The following NETO1 variants were observed in gnomAD, a reference collection of about 807,000 sequenced individuals.
NETO1 encodes neuropilin and tolloid-like protein 1.
Under a neutral mutation model 61.3 loss-of-function variants are expected in NETO1, and 26 were observed. That is an observed-to-expected ratio of 0.42 (90% CI 0.31 to 0.59). The LOEUF (loss-of-function observed/expected upper bound fraction) is 0.59. NETO1 is among the 20% of genes least tolerant of loss of function. The probability of loss-of-function intolerance (pLI) is 0.12; values close to 1 mark genes in which losing one functional copy is unlikely to be tolerated. For synonymous variants in NETO1, 225 were observed against 225.8 expected, an observed-to-expected ratio of 1.00 and a Z score of 0.03; for missense variants, 531 against 662.8, an observed-to-expected ratio of 0.80 and a Z score of 2.18.
intron 3 of NETO1, among the ~76,000 whole-genome samples, chr18:72,863,437 ACATAGTCCC>A (rs778324004): frequency 7.2e-5 from 11 of 152,214 alleles, no homozygotes; most frequent in Admixed American, 3.9e-4. Flanking sequence ...ACAAAAAGGG[ACATAGTCCC>A]CAGAGAATAT....
At position 72,766,318 on chromosome 18, in the gene NETO1, T is replaced by C. The variant is rs181673668; in HGVS notation, c.869-10171A>G. Among the ~76,000 whole-genome samples the C allele has an allele frequency of 3.0e-4, 45 of 151,590 alleles. No individual in the cohort carries two copies. In the East Asian group the frequency reaches 8.3e-3, roughly 28 times the overall value. ...CACAAACAAAAATATAAAAAATATA[T>C]AAAATATATTTGGCCATCAGAACTT... On this transcript the variant is annotated intron_variant, in intron 7 of 10. Coordinates refer to ENST00000327305, the MANE Select transcript of NETO1 (RefSeq NM_138966.5).
intron 4 of NETO1, among the ~76,000 whole-genome samples, chr18:72,813,262 T>A (rs542347799): frequency 1.6e-4 from 24 of 152,324 alleles, no homozygotes; most frequent in African/African-American, 5.5e-4. Context: ...TATCCAAATA[T>A]CTTAAACCAT....
chr18:72,864,906 C>T lies in NETO1; in HGVS notation c.122G>A (p.Cys41Tyr). ...CTCTGCATGTTTTGTCCAAGTTCCA[C>T]ACTGCACTGACTTCTGTGTTTCTGA... ...TTSETQKSVQ[C>Y]GTWTKHAEGG... The change falls in exon 3 of 11, where the codon TGT becomes TAT. Residue 41 changes from cysteine to tyrosine, a missense_variant. Transcript: ENST00000327305. 6.2e-7 allele frequency: 1 copy of T among 1,612,922 alleles called. No individual in the cohort carries two copies. The highest frequency in any genetic ancestry group is 8.5e-7 in the Non-Finnish European group (1 of 1,179,826).
At chr18:72,807,345 G>C (rs1338655684) in intron 4 of NETO1, among the ~76,000 whole-genome samples, 1 of 152,092 alleles carries the variant, frequency 6.6e-6, no homozygotes, top group Admixed American at 6.6e-5. Flanking sequence ...AAGATTTACA[G>C]GAAGAAAATT....
At chr18:72,776,322 C>T (rs186136276) in intron 7 of NETO1, among the ~76,000 whole-genome samples, 48 of 152,302 alleles carry the variant, frequency 3.2e-4, no homozygotes, top group Admixed American at 2.8e-3. Context: ...CAACATCAAG[C>T]CGTTAGGTAT....
chr18:72,807,749 CA>C (rs1568215679), intron 4 of NETO1, among the ~76,000 whole-genome samples: 10 of 24,894 alleles, frequency 4.0e-4, no homozygotes, highest in Admixed American at 1.0e-3. Context: ...CACACACACA[CA>C]CACACCCATA....
intron 4 of NETO1, among the ~76,000 whole-genome samples, chr18:72,856,791 CG>C (rs1290608705): frequency 4.6e-5 from 7 of 152,182 alleles, no homozygotes; most frequent in Non-Finnish European, 8.8e-5. Context: ...TGGCAATTCT[CG>C]TAACGCTTCA....
chr18:72,786,586 G>A (rs888222696), intron 6 of NETO1, among the ~76,000 whole-genome samples: 2 of 152,068 alleles, frequency 1.3e-5, no homozygotes, highest in African/African-American at 4.8e-5. Flanking sequence ...ATGCCCCAAC[G>A]AGGCCTTCAT....
At chr18:72,742,393 T>C (rs1025445122), downstream of NETO1, 8 of 152,228 alleles carry the variant, frequency 5.3e-5, no homozygotes, top group Non-Finnish European at 1.2e-4. Flanking sequence ...TTATAGATGA[T>C]ACTTTTGTTC....
At chr18:72,770,802 G>T (rs2145174306) in intron 7 of NETO1, among the ~76,000 whole-genome samples, 1 of 152,134 alleles carries the variant, frequency 6.6e-6, no homozygotes, top group East Asian at 1.9e-4. Context: ...ATTGTGTTTG[G>T]CCTTGCTTAT....
At chr18:72,850,193 C>T (rs972058932) in intron 4 of NETO1, among the ~76,000 whole-genome samples, 1 of 152,162 alleles carries the variant, frequency 6.6e-6, no homozygotes. Flanking sequence ...TTTTAACAGA[C>T]TATGAACTCA....
intron 7 of NETO1, among the ~76,000 whole-genome samples, chr18:72,769,681 A>G (rs1385111911): frequency 6.6e-6 from 1 of 152,192 alleles, no homozygotes; most frequent in African/African-American, 2.4e-5. Context: ...TATTACATAT[A>G]TAATAGATGA....
intron 6 of NETO1, among the ~76,000 whole-genome samples, chr18:72,789,163 A>T (rs1568201344): frequency 6.6e-6 from 1 of 151,850 alleles, no homozygotes; most frequent in Non-Finnish European, 1.5e-5. Flanking sequence ...TTATTTTTGG[A>T]GAAGGAACCA....
chr18:72,823,750 T>C (rs1233026206), intron 4 of NETO1, among the ~76,000 whole-genome samples: 1 of 152,106 alleles, frequency 6.6e-6, no homozygotes, highest in Non-Finnish European at 1.5e-5. Flanking sequence ...GAAAAGAATA[T>C]AAAATTCACA....
chr18:72,803,572 C>T (rs62091913), intron 4 of NETO1, among the ~76,000 whole-genome samples: 29,748 of 152,074 alleles, frequency 0.2, 3,617 homozygotes, highest in South Asian at 0.28. Flanking sequence ...CCTTTAATCC[C>T]GCACTCTGGG....
intron 4 of NETO1, among the ~76,000 whole-genome samples, chr18:72,805,739 A>C (rs1392874781): frequency 3.3e-5 from 5 of 152,158 alleles, no homozygotes; most frequent in South Asian, 4.1e-4. Context: ...CATCTGGTCT[A>C]CTGGGCCTGT....
At chr18:72,865,924 T>C (rs1303764148) in intron 1 of NETO1, among the ~76,000 whole-genome samples, 1 of 152,208 alleles carries the variant, frequency 6.6e-6, no homozygotes, top group East Asian at 1.9e-4. Flanking sequence ...ATATAGAAAT[T>C]GATTATTAAT....
At chr18:72,864,515 T>C (rs2074674977) in intron 3 of NETO1, among the ~76,000 whole-genome samples, 1 of 152,220 alleles carries the variant, frequency 6.6e-6, no homozygotes, top group African/African-American at 2.4e-5. Flanking sequence ...CAACTATGCG[T>C]CCATTCTACT....
rs1249082519 is a variant in NETO1 at position 72,830,665 on chromosome 18, G to T, written c.469+28161C>A. Among the ~76,000 whole-genome samples the T allele has an allele frequency of 6.6e-6, 1 of 152,114 alleles. No individual in the cohort carries two copies. Among genetic ancestry groups the T allele is most frequent in the Non-Finnish European group, 1.5e-5 (1 of 68,024 alleles). ...TTACAGGCAAAGCATATGAAAATCT[G>T]TCTTAATCCTGATTCCTAGTTGAAC... On this transcript the variant is annotated intron_variant, in intron 4 of 10. Coordinates refer to ENST00000327305, the MANE Select transcript of NETO1 (RefSeq NM_138966.5). The surrounding 1 kb of genome is among the most constrained non-coding windows in gnomAD (Gnocchi z 4.9).
Sources: allele counts gnomAD v4.1 joint callset (sites outside exome capture counted in the v4.1 genomes callset), GRCh38; gene constraint gnomAD v4.1.1; non-coding constraint Gnocchi (gnomAD v3.1); transcripts MANE v1.5; gene names NCBI Gene and HGNC (gene_info 2026-07-23, HGNC 2026-07-21).